AKAP9: variants seen among roughly 807,000 people sequenced by gnomAD.
AKAP9 encodes the protein A-kinase anchoring protein 9.
In AKAP9, 311 loss-of-function variants were observed where a neutral mutation model predicts 488.5. That is an observed-to-expected ratio of 0.64 (90% CI 0.58 to 0.70). The LOEUF is 0.70. Ranked by LOEUF, AKAP9 falls within the 30% of genes least tolerant of loss-of-function variation. AKAP9 has a pLI of 0.00. For synonymous variants in AKAP9, 1,462 were observed against 1,483.5 expected, an observed-to-expected ratio of 0.99 and a Z score of 0.33; for missense variants, 4,215 against 4,374.5, an observed-to-expected ratio of 0.96 and a Z score of 1.03.
rs71528034 is a variant in AKAP9, at chr7:92,070,401, G to GTTGTT, written c.6507+238_6507+242dup. ...AAGGGAAGAGTTTTTTGTTGTTGTT[G>GTTGTT]TTGTTTTGTTTTGTTTTGTTTTGTT... On this transcript the variant is annotated intron_variant, in intron 27 of 49. Transcript: ENST00000356239. 0.046 allele frequency among the ~76,000 whole-genome samples: 6,701 copies of GTTGTT among 145,510 alleles called. 193 individuals carry two copies. The highest frequency in any genetic ancestry group is 0.076 in the East Asian group (371 of 4,876).
chr7:92,082,829 A>G (rs1813817687), intron 32 of AKAP9, among the ~76,000 whole-genome samples, 167 bp downstream of exon 32: 1 of 152,214 alleles, frequency 6.6e-6, no homozygotes, highest in Non-Finnish European at 1.5e-5. Context: ...CTTTACCAAC[A>G]TCTTCTTGCT....
At chr7:92,089,672 T>C in intron 38 of AKAP9, 143 bp downstream of exon 38, 2 of 941,168 alleles carry the variant, frequency 2.1e-6, no homozygotes, top group Non-Finnish European at 3.3e-6. Context: ...ATACAATCTA[T>C]ATTAATTACT....
At chr7:92,031,469 A>G in intron 15 of AKAP9, 43 bp from the exon 16 acceptor site, 2 of 1,350,212 alleles carry the variant, frequency 1.5e-6, no homozygotes, top group Non-Finnish European at 2.1e-6. Context: ...TAAGTGGTGT[A>G]TAATTAATGT....
intron 3 of AKAP9, among the ~76,000 whole-genome samples, chr7:91,988,977 T>C (rs1259420110): frequency 1.3e-5 from 2 of 152,306 alleles, no homozygotes; most frequent in Admixed American, 6.5e-5. Context: ...CTGATATATT[T>C]GCATACCTCA....
intron 40 of AKAP9, among the ~76,000 whole-genome samples, chr7:92,096,371 G>C (rs895429620): frequency 7.5e-6 from 1 of 133,352 alleles, no homozygotes; most frequent in Admixed American, 8.2e-5. Flanking sequence ...GTCTCACTCT[G>C]TTGCTCACGC....
At chr7:92,090,812 C>T (rs1011710770) in intron 38 of AKAP9, among the ~76,000 whole-genome samples, 7 of 152,090 alleles carry the variant, frequency 4.6e-5, no homozygotes, top group African/African-American at 1.4e-4. Context: ...TGACTAAGAG[C>T]AGAATTGCTG....
At chr7:92,081,473 T>TTATATATA (rs372040821) in intron 31 of AKAP9, among the ~76,000 whole-genome samples, 19 of 120,406 alleles carry the variant, frequency 1.6e-4, no homozygotes, top group African/African-American at 5.7e-4. Flanking sequence ...CCCGGCTAAT[T>TTATATATA]TATATATATA....
intron 44 of AKAP9, 24 bp from the exon 45 acceptor site, chr7:92,100,832 G>C (rs191938651): frequency 1.7e-5 from 28 of 1,613,480 alleles, no homozygotes; most frequent in Non-Finnish European, 2.3e-5. Context: ...AGAGACTTGT[G>C]TAAGTAGGCT....
At position 92,079,929 on chromosome 7, in the gene AKAP9, C is replaced by G; in HGVS notation, c.7796C>G (p.Ser2599Ter). 6.2e-7 allele frequency: 1 copy of G among 1,612,420 alleles called. No homozygotes were observed. Among genetic ancestry groups the G allele is most frequent in the Non-Finnish European group, 8.5e-7 (1 of 1,179,240 alleles). ...CAACTAAGAGAAGATGAGTTGGGGT[C>G]AGATATATCAGCATTAACCTTGAGA... The part of the protein sequence containing the change: ...LNQLREDELG[S>*]DISALTLRIS... Residue 2599 changes from serine to a stop codon, truncating the protein, a stop_gained, in exon 31 of 50, where the codon TCA (serine) becomes TGA (stop). Coordinates refer to ENST00000356239, the MANE Select transcript of AKAP9 (RefSeq NM_005751.5). LOFTEE classifies it high-confidence loss of function.
chr7:91,949,042 C>T (rs1221731231), intron 1 of AKAP9, among the ~76,000 whole-genome samples: 5 of 152,150 alleles, frequency 3.3e-5, no homozygotes, highest in South Asian at 2.1e-4. Flanking sequence ...TGAGCCACTG[C>T]GCCTAGCCCA....
At chr7:91,976,028 G>A (rs767884709) in intron 2 of AKAP9, among the ~76,000 whole-genome samples, 1 of 150,522 alleles carries the variant, frequency 6.6e-6, no homozygotes, top group Non-Finnish European at 1.5e-5. Flanking sequence ...TCCCAGGTTC[G>A]AGTGATTCTC....
intron 37 of AKAP9, among the ~76,000 whole-genome samples, 182 bp downstream of exon 37, chr7:92,086,598 T>C (rs1338105113): frequency 6.6e-6 from 1 of 152,232 alleles, no homozygotes; most frequent in Non-Finnish European, 1.5e-5. Context: ...TGAAAGTTAA[T>C]GAGCTTATTT....
Position 92,012,491 on chromosome 7 carries a change from T to G in AKAP9, c.3381T>G (p.His1127Gln), listed in dbSNP as rs746651292. Residue 1127 changes from histidine to glutamine, a missense_variant, in exon 9 of 50, where the codon CAT (histidine) becomes CAG (glutamine). Coordinates refer to ENST00000356239, the MANE Select transcript of AKAP9 (RefSeq NM_005751.5). ...RICLSLVYSTHVDQVREYMEN... is the reference protein window; with the variant it reads ...RICLSLVYSTQVDQVREYMEN... ...GCCTCTCTCTGGTTTATTCAACTCA[T>G]GTGGATCAGGTTCGTGAATATATGG... 1.4e-5 allele frequency: 23 copies of G among 1,613,940 alleles called. No individual in the cohort carries two copies. Among genetic ancestry groups the G allele is most frequent in the Non-Finnish European group, 1.9e-5 (22 of 1,179,972 alleles).
intron 49 of AKAP9, among the ~76,000 whole-genome samples, chr7:92,109,882 C>CGG (rs1041545503): frequency 1.3e-5 from 2 of 151,984 alleles, no homozygotes; most frequent in Non-Finnish European, 2.9e-5. Flanking sequence ...ACCCAGGAGG[C>CGG]GGGGGTTGCA....
chr7:92,025,447 A>G (rs992890861), intron 14 of AKAP9, among the ~76,000 whole-genome samples: 2 of 152,268 alleles, frequency 1.3e-5, no homozygotes, highest in African/African-American at 2.4e-5. Context: ...TACTAATAGT[A>G]ATGAGTCAAA....
intron 12 of AKAP9, among the ~76,000 whole-genome samples, chr7:92,019,316 ATTC>A (rs1269238752): frequency 6.6e-6 from 1 of 151,580 alleles, no homozygotes; most frequent in African/African-American, 2.4e-5. Flanking sequence ...TAATTTTTGT[ATTC>A]TTAATAGAGA....
Position 91,994,716 on chromosome 7 carries a change from A to G in AKAP9, c.672A>G (p.Thr224=). The change falls in exon 6 of 50, where the codon ACA becomes ACG. Residue 224 remains threonine, a synonymous_variant. Coordinates refer to ENST00000356239, the MANE Select transcript of AKAP9 (RefSeq NM_005751.5). ...AAGCAAGAAGAGAAAAGGATGAGACAATGAGAGAATTTTTAGAGTTGACAG... is the reference window on the plus strand; with the variant it reads ...AAGCAAGAAGAGAAAAGGATGAGACGATGAGAGAATTTTTAGAGTTGACAG... ...LQQARREKDE[T]MREFLELTEQ... The G allele has an allele frequency of 6.2e-7, 1 of 1,613,378 alleles. No homozygotes were observed.
At chr7:91,970,721 G>A (rs567890098) in intron 1 of AKAP9, among the ~76,000 whole-genome samples, 35 of 152,234 alleles carry the variant, frequency 2.3e-4, no homozygotes, top group African/African-American at 7.0e-4. Flanking sequence ...GTTGCCAGAC[G>A]AATTGTAGCT....
In AKAP9 at chr7:92,084,924, TTCCAAAGAAAATAAAGGTAC is replaced by T; in HGVS notation, c.8818_8832+5del. On this transcript the variant is annotated splice_donor_variant and splice_donor_region_variant and coding_sequence_variant and intron_variant, in exon 35 of 50. Coordinates refer to ENST00000356239, the MANE Select transcript of AKAP9 (RefSeq NM_005751.5). LOFTEE classifies it high-confidence loss of function. ...GAAAGTGAAAGTGCAACAGATTCCTTTCCAAAGAAAATAAAGGTACTAAAAGATAGATACCTTTTATTAAC... is the reference window on the plus strand; with the variant it reads ...GAAAGTGAAAGTGCAACAGATTCCTTTAAAAGATAGATACCTTTTATTAAC... The T allele has an allele frequency of 6.2e-7, 1 of 1,613,256 alleles. No individual in the cohort carries two copies.
Sources: allele counts gnomAD v4.1 joint callset (sites outside exome capture counted in the v4.1 genomes callset), GRCh38; gene constraint gnomAD v4.1.1; transcripts MANE v1.5; gene names NCBI Gene and HGNC (gene_info 2026-07-23, HGNC 2026-07-21).